HERC2: variants seen among roughly 807,000 people sequenced by gnomAD.
The protein encoded by HERC2 is HECT and RLD domain containing E3 ubiquitin protein ligase 2, also known as E3 ubiquitin-protein ligase HERC2.
HERC2 carries 102 observed loss-of-function variants against 537.7 expected under a neutral mutation model. The ratio of observed to expected loss-of-function variants is 0.19; its 90% CI spans 0.16 to 0.22. The LOEUF (loss-of-function observed/expected upper bound fraction) is 0.22, where lower values mean the gene tolerates loss of function less well. Among genes scored for constraint, HERC2 ranks in the 10% least tolerant of loss-of-function variants. The pLI, the probability that HERC2 is intolerant of heterozygous loss-of-function variation, is 1.00. For missense variants in HERC2, 4,236 were observed against 6,198.2 expected (o/e 0.68, Z 10.63); for synonymous variants, 2,224 against 2,466.2 (o/e 0.90, Z 2.91).
intron 83 of HERC2, among the ~76,000 whole-genome samples, chr15:28,126,726 G>C (rs1393867919): frequency 9.2e-5 from 14 of 152,170 alleles, no homozygotes; most frequent in Non-Finnish European, 1.9e-4. Context: ...GGTAGGAGAG[G>C]AGTGAGGGAT....
chr15:28,301,294 A>G (rs1213585794), intron 2 of HERC2, among the ~76,000 whole-genome samples: 1 of 151,924 alleles, frequency 6.6e-6, no homozygotes, highest in Non-Finnish European at 1.5e-5. Flanking sequence ...AGGCGCCCAT[A>G]ATCCCAGCTA....
At chr15:28,180,312 C>T (rs1895705999) in intron 57 of HERC2, among the ~76,000 whole-genome samples, 3 of 152,164 alleles carry the variant, frequency 2.0e-5, no homozygotes, top group African/African-American at 7.2e-5. Flanking sequence ...ACACCATCTA[C>T]CTTTGTGTTA....
At chr15:28,301,418 C>CAA (rs796128116) in intron 2 of HERC2, among the ~76,000 whole-genome samples, 33 of 135,414 alleles carry the variant, frequency 2.4e-4, no homozygotes, top group African/African-American at 8.5e-4. Flanking sequence ...TTACCTCAAA[C>CAA]AAAAAAAAAA....
intron 82 of HERC2, 84 bp from the exon 83 acceptor site, chr15:28,130,386 T>C: frequency 3.8e-6 from 6 of 1,595,054 alleles, no homozygotes; most frequent in Non-Finnish European, 5.2e-6. Flanking sequence ...GCCTCTGCTG[T>C]TCAGGACACA....
At chr15:28,186,387 ATG>A (rs1896310256) in intron 56 of HERC2, among the ~76,000 whole-genome samples, 188 bp downstream of exon 56, 1 of 152,246 alleles carries the variant, frequency 6.6e-6, no homozygotes, top group African/African-American at 2.4e-5. Context: ...TCTAAATATA[ATG>A]TGTTTCTACA....
chr15:28,237,182 A>G lies in HERC2; in HGVS notation c.3853-69T>C, dbSNP rs568738590. On this transcript the variant is annotated intron_variant, in intron 25 of 92. Transcript: ENST00000261609. ...ATTAAAAACATAAAACCAAAAGGAC[A>G]GCTCTCTCCTGCAGCTGTAACCGCA... 640 of 1,471,850 alleles carry G rather than the reference A, an allele frequency of 4.3e-4. 6 individuals carry two copies. The African/African-American group carries it at 8.1e-3, about 19-fold the overall frequency. The allele number at this position is 1,471,850 out of a possible 1,614,324, so 91.2% of individuals were successfully genotyped here.
intron 4 of HERC2, among the ~76,000 whole-genome samples, chr15:28,289,400 T>G (rs4932601): frequency 1.2e-5 from 1 of 83,386 alleles, no homozygotes; most frequent in Non-Finnish European, 3.7e-5. Context: ...TGCATGCACC[T>G]TATAACATTC....
chr15:28,307,391 A>G (rs1392409782), intron 2 of HERC2, among the ~76,000 whole-genome samples: 2 of 152,230 alleles, frequency 1.3e-5, no homozygotes, highest in East Asian at 3.9e-4. Flanking sequence ...AATTTTTATT[A>G]TTTCTGTCCT....
intron 90 of HERC2, among the ~76,000 whole-genome samples, chr15:28,114,218 G>C (rs1887974239): frequency 6.6e-6 from 1 of 152,208 alleles, no homozygotes; most frequent in African/African-American, 2.4e-5. Flanking sequence ...GCACCCAAAG[G>C]ACCGTGCACA....
At chr15:28,210,585 G>A (rs1277497987) in intron 44 of HERC2, among the ~76,000 whole-genome samples, 4 of 152,092 alleles carry the variant, frequency 2.6e-5, no homozygotes, top group Admixed American at 2.0e-4. Flanking sequence ...TACACCAACT[G>A]AAATTCCCAG....
rs1381153438 is a variant in HERC2 at position 28,268,220 on chromosome 15, G to C, written c.1598+245C>G. Reference sequence around the variant, plus strand: ...AGTGGGGATGCAGTTTGAGTAGATAGAAGGCTGGCCAAGGCTGCACGGGGT... The same window carrying C: ...AGTGGGGATGCAGTTTGAGTAGATACAAGGCTGGCCAAGGCTGCACGGGGT... On this transcript the variant is annotated intron_variant, in intron 12 of 92. Transcript: ENST00000261609. The surrounding 1 kb of genome is among the most constrained non-coding windows in gnomAD (Gnocchi z 4.7). Among the ~76,000 whole-genome samples the C allele has an allele frequency of 6.6e-6, 1 of 152,182 alleles. No homozygotes were observed. The highest frequency in any genetic ancestry group is 1.5e-5 in the Non-Finnish European group (1 of 68,040).
chr15:28,171,059 C>T (rs7497759), intron 65 of HERC2, among the ~76,000 whole-genome samples: 31,369 of 152,122 alleles, frequency 0.21, 6,197 homozygotes, highest in African/African-American at 0.5. Context: ...TGGAAAACGG[C>T]TTGGCAGTTT....
chr15:28,257,683 A>G (rs769128194), intron 16 of HERC2, among the ~76,000 whole-genome samples: 2 of 152,152 alleles, frequency 1.3e-5, no homozygotes, highest in Non-Finnish European at 2.9e-5. Context: ...ACGGTGGAAC[A>G]CTATGAATAA....
intron 50 of HERC2, among the ~76,000 whole-genome samples, chr15:28,197,198 G>T (rs1156534278): frequency 6.6e-6 from 1 of 152,166 alleles, no homozygotes; most frequent in Non-Finnish European, 1.5e-5. Flanking sequence ...TTTTCTAAGC[G>T]ATCTGATGAA....
At chr15:28,236,339 G>A (rs1902451018) in intron 26 of HERC2, among the ~76,000 whole-genome samples, 1 of 152,106 alleles carries the variant, frequency 6.6e-6, no homozygotes, top group Non-Finnish European at 1.5e-5. Context: ...CACCAAGGCT[G>A]GAGTGCAGTG....
At chr15:28,120,588 T>C (rs992802382) in intron 86 of HERC2, among the ~76,000 whole-genome samples, 1 of 152,280 alleles carries the variant, frequency 6.6e-6, no homozygotes, top group African/African-American at 2.4e-5. Context: ...AGAAATGGTC[T>C]ACTTGTCGTT....
chr15:28,306,875 C>A (rs980218573), intron 2 of HERC2, among the ~76,000 whole-genome samples: 1 of 152,206 alleles, frequency 6.6e-6, no homozygotes, highest in Admixed American at 6.5e-5. Context: ...CACTCTGTCA[C>A]CCAGGCTGGA....
In HERC2 at chr15:28,268,934, C is replaced by T. The variant is rs754080787; in HGVS notation, c.1446+314G>A. ...AAACATGCCACGTCCCAATTTGCCA[C>T]TATCCCCACGAGGCCCAACTCCCTC... On this transcript the variant is annotated intron_variant, in intron 11 of 92. Transcript: ENST00000261609. This position sits in a 1 kb window ranked among gnomAD's most constrained non-coding sequence, Gnocchi z 4.7. Among the ~76,000 whole-genome samples, 2 of 152,194 alleles carry T rather than the reference C, an allele frequency of 1.3e-5. No homozygotes were observed. Among genetic ancestry groups the T allele is most frequent in the African/African-American group, 2.4e-5 (1 of 41,452 alleles).
chr15:28,113,863 C>T lies in HERC2; in HGVS notation c.13914-185G>A. On this transcript the variant is annotated intron_variant, in intron 90 of 92. Coordinates refer to ENST00000261609, the MANE Select transcript of HERC2 (RefSeq NM_004667.6). The surrounding 1 kb of genome is among the most constrained non-coding windows in gnomAD (Gnocchi z 7.0). Reference sequence around the variant, plus strand: ...CTGCAGAGCTTCTCCTGACACTGGGCTCATCTCGTCCAGCCGACAGGGTAC... The same window carrying T: ...CTGCAGAGCTTCTCCTGACACTGGGTTCATCTCGTCCAGCCGACAGGGTAC... The T allele has an allele frequency of 1.6e-6, 1 of 626,620 alleles. No homozygotes were observed. Among genetic ancestry groups the T allele is most frequent in the Non-Finnish European group, 2.9e-6 (1 of 346,776 alleles). 38.8% of individuals were successfully genotyped at this position (626,620 alleles called of 1,614,324 possible). A position where few individuals can be genotyped will look rare whatever the true frequency, so the allele number is the denominator to read the frequency against.
Sources: gnomAD v4.1 joint callset for allele counts (sites outside exome capture counted in the v4.1 genomes callset) on GRCh38, gnomAD v4.1.1 for gene constraint, Gnocchi (gnomAD v3.1) non-coding constraint, MANE v1.5 for transcripts, NCBI Gene and HGNC (gene_info 2026-07-23, HGNC 2026-07-21) for gene names.